The following EPHA6 variants were observed in gnomAD, a reference collection of about 807,000 sequenced individuals.
EPHA6 encodes EPH receptor A6.
EPHA6 carries 50 observed loss-of-function variants against 112.0 expected under a neutral mutation model. That is an observed-to-expected ratio of 0.45 (90% CI 0.36 to 0.56). The LOEUF (loss-of-function observed/expected upper bound fraction) is 0.56, where lower values mean the gene tolerates loss of function less well. Among genes scored for constraint, EPHA6 ranks in the 20% least tolerant of loss-of-function variants. EPHA6 has a pLI of 0.00. For synonymous variants in EPHA6, 529 were observed against 490.7 expected (o/e 1.08, Z -1.03); for missense variants, 1,280 against 1,417.4 (o/e 0.90, Z 1.56).
intron 2 of EPHA6, among the ~76,000 whole-genome samples, chr3:96,980,704 T>G (rs976112615): frequency 9.2e-5 from 14 of 152,332 alleles, no homozygotes; most frequent in Admixed American, 9.1e-4. Context: ...TTCTTCCATT[T>G]CTTTGTATCC....
chr3:97,480,624 C>G (rs1228306548), intron 9 of EPHA6, among the ~76,000 whole-genome samples: 2 of 152,230 alleles, frequency 1.3e-5, no homozygotes, highest in Non-Finnish European at 2.9e-5. Context: ...TCTCCTATGT[C>G]TAATTCTTTC....
chr3:97,108,685 C>T (rs991443970), intron 3 of EPHA6, among the ~76,000 whole-genome samples: 12 of 152,064 alleles, frequency 7.9e-5, no homozygotes, highest in Non-Finnish European at 1.6e-4. Context: ...TACAAGGTAG[C>T]CTATCTCATT....
At chr3:97,553,852 T>C (rs1159544872) in intron 11 of EPHA6, among the ~76,000 whole-genome samples, 1 of 152,130 alleles carries the variant, frequency 6.6e-6, no homozygotes, top group African/African-American at 2.4e-5. Context: ...AGGAAGGTAA[T>C]TGATGTCTAC....
intron 2 of EPHA6, among the ~76,000 whole-genome samples, chr3:96,887,498 C>G (rs2037698166): frequency 6.6e-6 from 1 of 152,100 alleles, no homozygotes. Context: ...GGCCAGGGAG[C>G]AGGGGTGCAA....
At chr3:97,441,045 A>G (rs1349635891) in intron 6 of EPHA6, among the ~76,000 whole-genome samples, 4 of 152,056 alleles carry the variant, frequency 2.6e-5, no homozygotes. Context: ...TAAGTTTTCA[A>G]AGAGCAGATA....
At chr3:96,888,885 A>G (rs2037790055) in intron 2 of EPHA6, among the ~76,000 whole-genome samples, 1 of 152,108 alleles carries the variant, frequency 6.6e-6, no homozygotes, top group African/African-American at 2.4e-5. Flanking sequence ...CAGGCTAAAA[A>G]TTTTTTGAAC....
At chr3:97,355,868 G>A (rs2084045123) in intron 5 of EPHA6, among the ~76,000 whole-genome samples, 1 of 152,026 alleles carries the variant, frequency 6.6e-6, no homozygotes, top group East Asian at 1.9e-4. Context: ...CACAAAAAAA[G>A]GGCAGGAGTA....
chr3:97,279,090 A>C (rs1416499966), intron 5 of EPHA6, among the ~76,000 whole-genome samples: 2 of 152,172 alleles, frequency 1.3e-5, no homozygotes, highest in Non-Finnish European at 2.9e-5. Context: ...ATTCTTTACA[A>C]GCAATTTAGG....
At chr3:97,178,877 G>A (rs536702841) in intron 3 of EPHA6, among the ~76,000 whole-genome samples, 50 of 152,080 alleles carry the variant, frequency 3.3e-4, no homozygotes, top group Admixed American at 9.2e-4. Flanking sequence ...TTTGGATATT[G>A]ATATCTTTCT....
chr3:97,043,794 A>C (rs1286115592), intron 3 of EPHA6, among the ~76,000 whole-genome samples: 1 of 152,168 alleles, frequency 6.6e-6, no homozygotes, highest in Non-Finnish European at 1.5e-5. Context: ...ATATATTGTC[A>C]TACAAAGAAA....
intron 3 of EPHA6, among the ~76,000 whole-genome samples, chr3:97,110,162 G>A (rs2047681248): frequency 6.6e-6 from 1 of 152,084 alleles, no homozygotes; most frequent in African/African-American, 2.4e-5. Context: ...TGAAAAAGAT[G>A]AAATTATTTT....
chr3:96,921,793 C>G (rs939612015), intron 2 of EPHA6, among the ~76,000 whole-genome samples: 9 of 152,032 alleles, frequency 5.9e-5, no homozygotes, highest in African/African-American at 2.2e-4. Context: ...GTCTTGAACT[C>G]TTAACCTCAG....
chr3:97,758,393 C>T lies in EPHA6; in HGVS notation c.*9692C>T, dbSNP rs1259649246. 6.6e-6 allele frequency among the ~76,000 whole-genome samples: 1 copy of T among 151,872 alleles called. No individual in the cohort carries two copies. The highest frequency in any genetic ancestry group is 1.5e-5 in the Non-Finnish European group (1 of 67,858). ...AACAAATTAAAGGAGATCATGTCTC[C>T]TTACTGGTCCAAAATTGTATAATTC... On this transcript the variant is annotated 3_prime_UTR_variant, in exon 18 of 18. Transcript: ENST00000389672.
intron 13 of EPHA6, among the ~76,000 whole-genome samples, chr3:97,637,532 G>C (rs1478923926): frequency 6.6e-6 from 1 of 151,852 alleles, no homozygotes; most frequent in Non-Finnish European, 1.5e-5. Context: ...GATTCTATTT[G>C]TTTGGTAGCC....
chr3:97,064,262 A>G (rs544630161), intron 3 of EPHA6, among the ~76,000 whole-genome samples: 30 of 152,278 alleles, frequency 2.0e-4, no homozygotes, highest in African/African-American at 6.7e-4. Flanking sequence ...CAATATGAAT[A>G]TCAAGTTTTA....
intron 3 of EPHA6, among the ~76,000 whole-genome samples, chr3:97,113,068 T>G (rs987182818): frequency 6.6e-6 from 1 of 152,168 alleles, no homozygotes; most frequent in Non-Finnish European, 1.5e-5. Flanking sequence ...CTCTGCTATG[T>G]GTCAGGCCCT....
intron 5 of EPHA6, among the ~76,000 whole-genome samples, chr3:97,365,455 A>C (rs1173689298): frequency 6.6e-6 from 1 of 151,602 alleles, no homozygotes; most frequent in Non-Finnish European, 1.5e-5. Flanking sequence ...CTATGGCGTG[A>C]TCTCGGCTCA....
intron 2 of EPHA6, among the ~76,000 whole-genome samples, chr3:96,922,441 G>A (rs1057010821): frequency 2.0e-5 from 3 of 151,976 alleles, no homozygotes; most frequent in Admixed American, 6.6e-5. Flanking sequence ...AGGTAAATTT[G>A]AAAATAGACT....
At chr3:96,919,724 A>G (rs935163165) in intron 2 of EPHA6, among the ~76,000 whole-genome samples, 1 of 151,784 alleles carries the variant, frequency 6.6e-6, no homozygotes, top group African/African-American at 2.4e-5. Flanking sequence ...TTTTCTTAAT[A>G]TTTCTTCATT....
Sources: allele counts gnomAD v4.1 joint callset (sites outside exome capture counted in the v4.1 genomes callset), GRCh38; gene constraint gnomAD v4.1.1; transcripts MANE v1.5; gene names NCBI Gene and HGNC (gene_info 2026-07-23, HGNC 2026-07-21).